The following PCDH9 variants were observed in gnomAD, a reference collection of about 807,000 sequenced individuals.
The protein encoded by PCDH9 is protocadherin-9.
A neutral mutation model predicts 70.6 loss-of-function variants in PCDH9; 24 were observed. The ratio of observed to expected loss-of-function variants is 0.34; its 90% CI spans 0.25 to 0.48. The LOEUF is 0.48. Among genes scored for constraint, PCDH9 ranks in the 20% least tolerant of loss-of-function variants. PCDH9 has a pLI of 0.99. For missense variants in PCDH9, 1,281 were observed against 1,503.6 expected (o/e 0.85, Z 2.45); for synonymous variants, 562 against 558.5 (o/e 1.01, Z -0.09).
chr13:66,584,189 T>C (rs2076932521), intron 4 of PCDH9, among the ~76,000 whole-genome samples: 1 of 152,162 alleles, frequency 6.6e-6, no homozygotes, highest in Non-Finnish European at 1.5e-5. Context: ...GGTTATTAGA[T>C]ACAGTAGAAA....
chr13:67,138,810 A>T (rs935032396), intron 2 of PCDH9, among the ~76,000 whole-genome samples: 1 of 152,212 alleles, frequency 6.6e-6, no homozygotes, highest in African/African-American at 2.4e-5. Context: ...TACTGAACTT[A>T]TTGCTAATAT....
At chr13:66,820,649 C>G (rs2080694773) in intron 3 of PCDH9, among the ~76,000 whole-genome samples, 1 of 152,022 alleles carries the variant, frequency 6.6e-6, no homozygotes, top group South Asian at 2.1e-4. Flanking sequence ...ACATATACAC[C>G]ATGGAATACT....
chr13:66,703,731 A>T (rs1017045615), intron 3 of PCDH9, among the ~76,000 whole-genome samples: 3 of 148,060 alleles, frequency 2.0e-5, no homozygotes, highest in Non-Finnish European at 4.5e-5. Flanking sequence ...CCCCGTCTCT[A>T]AAAAAAAAAT....
intron 2 of PCDH9, among the ~76,000 whole-genome samples, chr13:67,162,016 C>T (rs1343028733): frequency 6.6e-6 from 1 of 152,162 alleles, no homozygotes; most frequent in Non-Finnish European, 1.5e-5. Flanking sequence ...GTGTTTTGTT[C>T]AAGTCCGCCT....
chr13:67,194,832 T>C (rs2089016679), intron 2 of PCDH9, among the ~76,000 whole-genome samples: 1 of 152,038 alleles, frequency 6.6e-6, no homozygotes, highest in Non-Finnish European at 1.5e-5. Flanking sequence ...GCAGTTAGAG[T>C]AGATGTCGAA....
At chr13:66,990,152 G>T (rs2139795372) in intron 2 of PCDH9, among the ~76,000 whole-genome samples, 1 of 151,898 alleles carries the variant, frequency 6.6e-6, no homozygotes, top group South Asian at 2.1e-4. Flanking sequence ...TCCAGTGAAT[G>T]ACCCCATTAA....
intron 2 of PCDH9, among the ~76,000 whole-genome samples, chr13:67,082,801 A>G (rs557377175): frequency 1.1e-4 from 16 of 152,308 alleles, no homozygotes; most frequent in African/African-American, 3.8e-4. Flanking sequence ...CTTGCTCCAA[A>G]AATATTTGTG....
chr13:66,527,948 G>A (rs902228809), intron 4 of PCDH9, among the ~76,000 whole-genome samples: 1 of 152,112 alleles, frequency 6.6e-6, no homozygotes, highest in Non-Finnish European at 1.5e-5. Flanking sequence ...AACCTGGAAG[G>A]TGGAGGTTGA....
At chr13:66,893,688 A>G (rs574681966) in intron 3 of PCDH9, among the ~76,000 whole-genome samples, 1 of 152,154 alleles carries the variant, frequency 6.6e-6, no homozygotes, top group Non-Finnish European at 1.5e-5. Flanking sequence ...ACGCAATAAC[A>G]TATACAACTA....
At chr13:67,089,790 T>A (rs184033553) in intron 2 of PCDH9, among the ~76,000 whole-genome samples, 5 of 152,174 alleles carry the variant, frequency 3.3e-5, no homozygotes, top group Admixed American at 2.0e-4. Context: ...TTTTTGTTCC[T>A]TTTCAGATGT....
chr13:66,335,780 A>G (rs1373495), intron 4 of PCDH9, among the ~76,000 whole-genome samples: 97,179 of 152,044 alleles, frequency 0.64, 31,895 homozygotes, highest in Non-Finnish European at 0.73. Context: ...AATGATTTTT[A>G]ACAATAAATA....
At chr13:66,774,548 G>A (rs2079860317) in intron 3 of PCDH9, among the ~76,000 whole-genome samples, 1 of 152,140 alleles carries the variant, frequency 6.6e-6, no homozygotes, top group Admixed American at 6.5e-5. Flanking sequence ...TGAGGCGGCT[G>A]TGTACTGTGT....
At chr13:66,802,484 C>T (rs2165599) in intron 3 of PCDH9, among the ~76,000 whole-genome samples, 1 of 151,848 alleles carries the variant, frequency 6.6e-6, no homozygotes, top group East Asian at 1.9e-4. Flanking sequence ...ATTATAATTA[C>T]ACATTTTGTA....
Position 66,681,858 on chromosome 13 carries a change from A to C in PCDH9, c.3139-50447T>G, listed in dbSNP as rs530615769. Among the ~76,000 whole-genome samples the C allele has an allele frequency of 3.3e-5, 5 of 151,664 alleles. No individual in the cohort carries two copies. In the East Asian group the frequency reaches 9.7e-4, roughly 29 times the overall value. Reference sequence around the variant, plus strand: ...CCAGAGGAAGTGCAATGCCTGGCATAGACTAGGCATTTCACAAATATCTGT... The same window carrying C: ...CCAGAGGAAGTGCAATGCCTGGCATCGACTAGGCATTTCACAAATATCTGT... On this transcript the variant is annotated intron_variant, in intron 3 of 4. Transcript: ENST00000377865.
In PCDH9 at chr13:66,894,929, T is replaced by C. The variant is rs550238843; in HGVS notation, c.3138+8575A>G. On this transcript the variant is annotated intron_variant, in intron 3 of 4. Transcript: ENST00000377865. The stretch of plus-strand genomic sequence containing the variant: ...TTCAAGTGATTCTAGTGCCTCAGCC[T>C]CCCAAGTAGCTGGGATTACAGGCAT... 6.6e-5 allele frequency among the ~76,000 whole-genome samples: 10 copies of C among 152,152 alleles called. No homozygotes were observed. In the South Asian group the frequency reaches 2.1e-3, roughly 32 times the overall value.
At position 66,740,692 on chromosome 13, in the gene PCDH9, AT is replaced by A. The variant is rs1363684667; in HGVS notation, c.3139-109282del. 2.4e-4 allele frequency among the ~76,000 whole-genome samples: 37 copies of A among 151,946 alleles called. 1 individual carries two copies. Among genetic ancestry groups the A allele is most frequent in the Admixed American group, 2.4e-3 (37 of 15,256 alleles). ...TGATCCCACAGAAATACAAACTACCATCAGAGAATACTACAAACAACTCTAT... is the reference window on the plus strand; with the variant it reads ...TGATCCCACAGAAATACAAACTACCACAGAGAATACTACAAACAACTCTAT... On this transcript the variant is annotated intron_variant, in intron 3 of 4. Transcript: ENST00000377865.
At chr13:66,714,224 G>A (rs770253994) in intron 3 of PCDH9, among the ~76,000 whole-genome samples, 6 of 151,974 alleles carry the variant, frequency 3.9e-5, no homozygotes, top group Non-Finnish European at 7.4e-5. Flanking sequence ...CCAGCACTTC[G>A]GGAGGCTGAG....
At chr13:66,510,301 T>G (rs563971021) in intron 4 of PCDH9, among the ~76,000 whole-genome samples, 92 of 152,036 alleles carry the variant, frequency 6.1e-4, no homozygotes, top group African/African-American at 2.2e-3. Context: ...TGTTTTTAAT[T>G]TATAAAGCAC....
In PCDH9 at chr13:67,050,472, A is replaced by G. The variant is rs555939766; in HGVS notation, c.3037-146867T>C. ...CCAGGTACTTATAAGAAGCACTAAT[A>G]ATTATGTTCTTGGCATGCTCATGTT... On this transcript the variant is annotated intron_variant, in intron 2 of 4. Coordinates refer to ENST00000377865, the MANE Select transcript of PCDH9 (RefSeq NM_203487.3). Among the ~76,000 whole-genome samples, 7 of 152,314 alleles carry G rather than the reference A, an allele frequency of 4.6e-5. No individual in the cohort carries two copies. In the South Asian group the frequency reaches 1.4e-3, roughly 32 times the overall value.
Sources: gnomAD v4.1 joint callset for allele counts (sites outside exome capture counted in the v4.1 genomes callset) on GRCh38, gnomAD v4.1.1 for gene constraint, MANE v1.5 for transcripts, NCBI Gene and HGNC (gene_info 2026-07-23, HGNC 2026-07-21) for gene names.